DMAC2: variants seen among roughly 807,000 people sequenced by gnomAD.
DMAC2 encodes the protein distal membrane arm assembly component 2, also known as distal membrane-arm assembly complex protein 2.
In DMAC2, 32 loss-of-function variants were observed where a neutral mutation model predicts 29.6. The ratio of observed to expected loss-of-function variants is 1.08; its 90% confidence interval spans 0.81 to 1.45. The LOEUF (loss-of-function observed/expected upper bound fraction) is 1.45, where lower values mean the gene tolerates loss of function less well. Ranked by LOEUF, DMAC2 falls within the 40% of genes most tolerant of loss-of-function variation. The probability of loss-of-function intolerance (pLI) is 0.00; values close to 1 mark genes in which losing one functional copy is unlikely to be tolerated. For missense variants in DMAC2, 319 were observed against 340.0 expected, an observed-to-expected ratio of 0.94 and a Z score of 0.49; for synonymous variants, 133 against 137.4, an observed-to-expected ratio of 0.97 and a Z score of 0.23.
Position 41,431,786 on chromosome 19 carries a change from G to A in DMAC2, c.*445C>T. ...GCGCTGGCCTTTAGTGAGTGGAGTG[G>A]GGCGAAGGATGCTGCATGTCCTGCA... On this transcript the variant is annotated 3_prime_UTR_variant, in exon 6 of 6. Coordinates refer to ENST00000221943, the MANE Select transcript of DMAC2 (RefSeq NM_018035.3). 8.5e-6 allele frequency: 2 copies of A among 234,172 alleles called. No individual in the cohort carries two copies. Among genetic ancestry groups the A allele is most frequent in the South Asian group, 1.2e-4 (2 of 16,916 alleles). The allele number at this position is 234,172 out of a possible 1,614,324, so 14.5% of individuals were successfully genotyped here.
chr19:41,435,643 G>A (rs907032746), intron 3 of DMAC2, among the ~76,000 whole-genome samples: 20 of 152,018 alleles, frequency 1.3e-4, no homozygotes, highest in African/African-American at 3.4e-4. Context: ...ACAGCTCACT[G>A]TAGCCTCCTG....
chr19:41,431,628 C>T lies in DMAC2; in HGVS notation c.*603G>A. On this transcript the variant is annotated 3_prime_UTR_variant, in exon 6 of 6. Coordinates refer to ENST00000221943, the MANE Select transcript of DMAC2 (RefSeq NM_018035.3). ...CAAGAACCACGAAGGAGGCGCCTTTCCTCCTATAATGCCTGTTTGGTGCCC... is the reference window on the plus strand; with the variant it reads ...CAAGAACCACGAAGGAGGCGCCTTTTCTCCTATAATGCCTGTTTGGTGCCC... 1 of 289,688 alleles carries T rather than the reference C, an allele frequency of 3.5e-6. No individual in the cohort carries two copies. The allele number at this position is 289,688 out of a possible 1,614,324, so 17.9% of individuals were successfully genotyped here.
At chr19:41,436,291 G>A (rs1402065096) in intron 3 of DMAC2, 101 bp downstream of exon 3, 2 of 997,856 alleles carry the variant, frequency 2.0e-6, no homozygotes, top group African/African-American at 3.2e-5. Context: ...GGAGGCGGCA[G>A]AGACCAGGGG....
rs782279895 is a variant in DMAC2, at chr19:41,432,653, C to CGTGT, written c.597-249_597-246dup. ...GTGTGTGTAGGGAGGTACAGGACAG[C>CGTGT]GTGTGTGTGTGTGTGTGTGTGTGTA... On this transcript the variant is annotated intron_variant, in intron 5 of 5. Transcript: ENST00000221943. 885 of 220,686 alleles carry CGTGT rather than the reference C, an allele frequency of 4.0e-3. 19 individuals are homozygous for CGTGT. The highest frequency in any genetic ancestry group is 0.014 in the African/African-American group (269 of 18,994). 13.7% of individuals were successfully genotyped at this position (220,686 alleles called of 1,614,324 possible).
At chr19:41,439,649 C>G in intron 1 of DMAC2, 1 of 1,387,230 alleles carries the variant, frequency 7.2e-7, no homozygotes, top group South Asian at 1.3e-5. Context: ...ATTGGATACT[C>G]TCAGCCAAGT....
chr19:41,436,534 C>A (rs377113375), intron 2 of DMAC2, 62 bp from the exon 3 acceptor site: 11 of 1,376,362 alleles, frequency 8.0e-6, no homozygotes, highest in Non-Finnish European at 1.1e-5. Flanking sequence ...CACGATGCCC[C>A]AGTGCTGTTA....
chr19:41,433,972 G>A (rs182135851), intron 3 of DMAC2, among the ~76,000 whole-genome samples: 80 of 152,216 alleles, frequency 5.3e-4, no homozygotes, highest in African/African-American at 1.8e-3. Context: ...GGTGGCTCAC[G>A]CCTGTAATCC....
chr19:41,432,677 TATAGGGAGATAAGCCA>T (rs1568517051), intron 5 of DMAC2: 27 of 388,604 alleles, frequency 6.9e-5, no homozygotes, highest in African/African-American at 1.6e-4. Context: ...TGTGTGTGTG[TATAGGGAGATAAGCCA>T]GTATAAGGAC....
In DMAC2 at chr19:41,438,282, C is replaced by A. The variant is rs782651061; in HGVS notation, c.151G>T (p.Asp51Tyr). ...ILQFLTNYFY[D>Y]VEALRDYLLQ... ...AAGTAATCCCTCAGAGCCTCCACAT[C>A]GTAGAAATAGTTGGTCAGGAACTGG... The change falls in exon 2 of 6, where the codon GAT becomes TAT. Residue 51 changes from aspartate to tyrosine, a missense_variant. Coordinates refer to ENST00000221943, the MANE Select transcript of DMAC2 (RefSeq NM_018035.3). The A allele has an allele frequency of 4.3e-6, 7 of 1,614,138 alleles. No homozygotes were observed. Among genetic ancestry groups the A allele is most frequent in the Non-Finnish European group, 5.9e-6 (7 of 1,180,054 alleles).
At position 41,431,724 on chromosome 19, in the gene DMAC2, A is replaced by G. The variant is rs1348238573; in HGVS notation, c.*507T>C. ...AAGCTGAATTTGGAACATAAAGTCAATAAATCCATAACCAGCAATACTATG... is the reference window on the plus strand; with the variant it reads ...AAGCTGAATTTGGAACATAAAGTCAGTAAATCCATAACCAGCAATACTATG... On this transcript the variant is annotated 3_prime_UTR_variant, in exon 6 of 6. Coordinates refer to ENST00000221943, the MANE Select transcript of DMAC2 (RefSeq NM_018035.3). 3.7e-5 allele frequency: 9 copies of G among 240,490 alleles called. No individual in the cohort carries two copies. The East Asian group carries it at 5.6e-4, about 15-fold the overall frequency. The allele number at this position is 240,490 out of a possible 1,614,324, so 14.9% of individuals were successfully genotyped here.
At chr19:41,434,397 CAAAAAAAA>C (rs1160927067) in intron 3 of DMAC2, among the ~76,000 whole-genome samples, 1 of 63,280 alleles carries the variant, frequency 1.6e-5, no homozygotes, top group African/African-American at 6.6e-5. Context: ...GACCCTATCT[CAAAAAAAA>C]AAAAAAAAAA....
At position 41,431,666 on chromosome 19, in the gene DMAC2, G is replaced by C; in HGVS notation, c.*565C>G. 1 of 237,278 alleles carries C rather than the reference G, an allele frequency of 4.2e-6. No homozygotes were observed. The highest frequency in any genetic ancestry group is 8.5e-6 in the Non-Finnish European group (1 of 117,732). 14.7% of individuals were successfully genotyped at this position (237,278 alleles called of 1,614,324 possible). A position where few individuals can be genotyped will look rare whatever the true frequency, so the allele number is the denominator to read the frequency against. On this transcript the variant is annotated 3_prime_UTR_variant, in exon 6 of 6. Coordinates refer to ENST00000221943, the MANE Select transcript of DMAC2 (RefSeq NM_018035.3). ...CTGTTTGGTGCCCTCTACTGACAAA[G>C]CTTATCCCCTTTCAAAAAACAGCCA...
chr19:41,439,801 G>A, intron 1 of DMAC2, 81 bp downstream of exon 1: 2 of 1,600,720 alleles, frequency 1.2e-6, no homozygotes, highest in Non-Finnish European at 1.7e-6. Context: ...TTCTGCTCTC[G>A]TGGCCGCCAA....
At position 41,433,962 on chromosome 19, in the gene DMAC2, G is replaced by A. The variant is rs145587055; in HGVS notation, c.297-289C>T. On this transcript the variant is annotated intron_variant, in intron 3 of 5. Coordinates refer to ENST00000221943, the MANE Select transcript of DMAC2 (RefSeq NM_018035.3). ...AAAAATACAAAAATTGGCCAGGTGC[G>A]GTGGCTCACGCCTGTAATCCCAGCA... Among the ~76,000 whole-genome samples the A allele has an allele frequency of 2.8e-3, 422 of 151,402 alleles. 3 individuals are homozygous for A. Among genetic ancestry groups the A allele is most frequent in the African/African-American group, 9.8e-3 (403 of 41,222 alleles).
At chr19:41,433,799 AGAAAAAGACTCC>A in intron 3 of DMAC2, 126 bp from the exon 4 acceptor site, 1 of 1,316,712 alleles carries the variant, frequency 7.6e-7, no homozygotes, top group African/African-American at 1.6e-5. Flanking sequence ...ATTCCATCTT[AGAAAAAGACTCC>A]ATCTGGCTGT....
Position 41,439,781 on chromosome 19 carries a change from C to T in DMAC2, c.18+101G>A, listed in dbSNP as rs539317138. 4 of 1,574,098 alleles carry T rather than the reference C, an allele frequency of 2.5e-6. No homozygotes were observed. In the South Asian group the frequency reaches 3.3e-5, roughly 13 times the overall value. On this transcript the variant is annotated intron_variant, in intron 1 of 5. Coordinates refer to ENST00000221943, the MANE Select transcript of DMAC2 (RefSeq NM_018035.3). ...GGGGCTTGCCAGGCTTAGCCTGCTG[C>T]CTCACGGCTTTCTGCTCTCGTGGCC...
chr19:41,432,189 C>T lies in DMAC2; in HGVS notation c.*42G>A, dbSNP rs781875482. On this transcript the variant is annotated 3_prime_UTR_variant, in exon 6 of 6. Transcript: ENST00000221943. ...GTGGTGAGCTACCAGACATTCCATG[C>T]AGCCCGCTGAGAAGCCACGTGAGTG... 3.2e-6 allele frequency: 5 copies of T among 1,587,156 alleles called. No individual in the cohort carries two copies. In the South Asian group the frequency reaches 4.5e-5, roughly 14 times the overall value.
intron 3 of DMAC2, 137 bp downstream of exon 3, chr19:41,436,255 G>T (rs2039859876): frequency 5.5e-6 from 4 of 723,754 alleles, no homozygotes; most frequent in Admixed American, 2.3e-5. Flanking sequence ...CTGAAGCTCA[G>T]GAACAAGTCC....
At position 41,439,530 on chromosome 19, in the gene DMAC2, GCT is replaced by G. The variant is rs534492106; in HGVS notation, c.18+350_18+351del. On this transcript the variant is annotated intron_variant, in intron 1 of 5. Coordinates refer to ENST00000221943, the MANE Select transcript of DMAC2 (RefSeq NM_018035.3). ...CACATCCTCGAACAATCCCTTCCAA[GCT>G]CTCTTATCCTACAGGCCCCACCCTT... The G allele has an allele frequency of 1.1e-3, 1,670 of 1,536,860 alleles. 4 individuals are homozygous for G. The highest frequency in any genetic ancestry group is 1.3e-3 in the Non-Finnish European group (1,501 of 1,146,820).
Sources: allele counts gnomAD v4.1 joint callset (sites outside exome capture counted in the v4.1 genomes callset), GRCh38; gene constraint gnomAD v4.1.1; transcripts MANE v1.5; gene names NCBI Gene and HGNC (gene_info 2026-07-23, HGNC 2026-07-21).